GRTP1: variants seen among roughly 807,000 people sequenced by gnomAD.
GRTP1 encodes the protein growth hormone regulated TBC protein 1.
Under a neutral mutation model 38.1 loss-of-function variants are expected in GRTP1, and 56 were observed. The ratio of observed to expected loss-of-function variants is 1.47; its 90% CI spans 1.19 to 1.84. The LOEUF is 1.84. Among genes scored for constraint, GRTP1 ranks in the 40% most tolerant of loss-of-function variants. GRTP1 has a pLI of 0.00. For synonymous variants in GRTP1, 217 were observed against 189.5 expected (o/e 1.14, Z -1.19); for missense variants, 506 against 453.9 (o/e 1.11, Z -1.04).
At chr13:113,352,337 T>TTATATATATATTTATATACATTTTATA (rs2043296267) in intron 3 of GRTP1, among the ~76,000 whole-genome samples, 1 of 51,560 alleles carries the variant, frequency 1.9e-5, no homozygotes, top group Non-Finnish European at 3.8e-5. Context: ...TATATATATT[T>TTATATATATATTTATATACATTTTATA]TATATATATA....
intron 5 of GRTP1, among the ~76,000 whole-genome samples, chr13:113,327,457 CG>C (rs56184243): frequency 0.03 from 4,525 of 152,274 alleles, 152 homozygotes; most frequent in East Asian, 0.14. Context: ...GGATTACAGG[CG>C]TGAGCCACTG....
At chr13:113,355,064 T>C in intron 3 of GRTP1, 1 of 392,902 alleles carries the variant, frequency 2.5e-6, no homozygotes, top group East Asian at 4.3e-5. Context: ...CCGCGAGTCT[T>C]CATGGAGCGC....
At chr13:113,330,288 G>A (rs2042842785) in intron 5 of GRTP1, among the ~76,000 whole-genome samples, 1 of 130,480 alleles carries the variant, frequency 7.7e-6, no homozygotes, top group Non-Finnish European at 1.6e-5. Flanking sequence ...TGTGTGCGTG[G>A]AAACTCAGGT....
At chr13:113,333,275 C>T (rs2042902793) in intron 5 of GRTP1, among the ~76,000 whole-genome samples, 1 of 152,138 alleles carries the variant, frequency 6.6e-6, no homozygotes, top group African/African-American at 2.4e-5. Flanking sequence ...TAACCCGGGG[C>T]AATGCTAAGA....
intron 5 of GRTP1, among the ~76,000 whole-genome samples, chr13:113,334,704 G>T (rs2042930086): frequency 6.6e-6 from 1 of 152,204 alleles, no homozygotes; most frequent in Admixed American, 6.5e-5. Context: ...GGGTTCACCA[G>T]GGAGAGCCGT....
chr13:113,336,298 G>GT (rs67179331), intron 5 of GRTP1, among the ~76,000 whole-genome samples: 12 of 20,996 alleles, frequency 5.7e-4, no homozygotes, highest in African/African-American at 7.2e-4. Context: ...GAATAAGGTA[G>GT]TTTTTTTTTT....
rs376043695 is a variant in GRTP1 at position 113,350,864 on chromosome 13, T to G, written c.450A>C (p.Gly150=). Residue 150 remains glycine (G), a synonymous_variant, in exon 4 of 8, where the codon GGA becomes GGC. Coordinates refer to ENST00000375431, the MANE Select transcript of GRTP1 (RefSeq NM_024719.4). ...CGAGGCTCACCTGGCAGTAGCCCAC[T>G]CCCTGGTTATGGTGCCCATATGCCA... ...VLLAYGHHNQ[G]VGYCQGMNFI... is the part of the protein sequence containing the mutation. 1.3e-6 allele frequency: 2 copies of G among 1,578,294 alleles called. No homozygotes were observed.
chr13:113,347,682 G>A (rs369556769), intron 4 of GRTP1, among the ~76,000 whole-genome samples: 11 of 62,994 alleles, frequency 1.7e-4, no homozygotes, highest in South Asian at 5.6e-4. Flanking sequence ...GTGGCAGAGA[G>A]CAGACCCGGG....
intron 4 of GRTP1, among the ~76,000 whole-genome samples, chr13:113,346,609 T>C (rs1342433326): frequency 1.4e-4 from 1 of 7,170 alleles, no homozygotes; most frequent in African/African-American, 1.6e-4. Context: ...CCTCTGTGCC[T>C]GACAGTGGAC....
intron 4 of GRTP1, among the ~76,000 whole-genome samples, chr13:113,346,172 ACCCGGGAGGACC>A (rs1244901669): frequency 1.4e-5 from 2 of 142,078 alleles, no homozygotes; most frequent in East Asian, 2.2e-4. Flanking sequence ...CTGACAGTGG[ACCCGGGAGGACC>A]TCTGTGGCTG....
At chr13:113,350,263 G>A (rs1438852528) in intron 4 of GRTP1, among the ~76,000 whole-genome samples, 3 of 152,064 alleles carry the variant, frequency 2.0e-5, no homozygotes, top group South Asian at 2.1e-4. Flanking sequence ...CTTAATATGC[G>A]CCCAGCTAGG....
chr13:113,336,172 A>T (rs2042951419), intron 5 of GRTP1, among the ~76,000 whole-genome samples: 1 of 152,168 alleles, frequency 6.6e-6, no homozygotes, highest in African/African-American at 2.4e-5. Context: ...ATCTGCGGTC[A>T]GACACCTGGG....
intron 5 of GRTP1, among the ~76,000 whole-genome samples, chr13:113,333,838 A>AATTTATTTATTTAGT (rs749095615): frequency 1.3e-4 from 3 of 23,546 alleles, no homozygotes; most frequent in African/African-American, 2.0e-4. Context: ...TTATTTATTT[A>AATTTATTTATTTAGT]GTGTGTGTGT....
rs1005429626 is a variant in GRTP1, at chr13:113,348,333, C to T, written c.465+2516G>A. ...TCGAGCGTGGTGGCGCACCTGTGGT[C>T]CCAGCTACTCAGGAGGCCAAGGTGG... is the stretch of plus-strand genomic sequence containing the variant. On this transcript the variant is annotated intron_variant, in intron 4 of 7. Coordinates refer to ENST00000375431, the MANE Select transcript of GRTP1 (RefSeq NM_024719.4). This position sits in a 1 kb window ranked among gnomAD's most constrained non-coding sequence, Gnocchi z 4.8. Among the ~76,000 whole-genome samples the T allele has an allele frequency of 6.6e-5, 10 of 152,208 alleles. No homozygotes were observed. The East Asian group carries it at 1.4e-3, about 21-fold the overall frequency.
At chr13:113,352,351 ATATATATTTTATATATATATATATATT>A (rs1566438008) in intron 3 of GRTP1, among the ~76,000 whole-genome samples, 26 of 99,304 alleles carry the variant, frequency 2.6e-4, no homozygotes, top group East Asian at 7.3e-4. Flanking sequence ...ATATATATTT[ATATATATTTTATATATATATATATATT>A]TATATATATA....
chr13:113,332,005 AT>A (rs1356774553), intron 5 of GRTP1, among the ~76,000 whole-genome samples: 2 of 151,224 alleles, frequency 1.3e-5, no homozygotes, highest in African/African-American at 4.9e-5. Context: ...GCCATGTCTT[AT>A]GCCTGTAATC....
rs530756316 is a variant in GRTP1 at position 113,355,539 on chromosome 13, G to A, written c.182-58C>T. 1.0e-5 allele frequency: 15 copies of A among 1,503,896 alleles called. No homozygotes were observed. In the South Asian group the frequency reaches 1.8e-4, roughly 18 times the overall value. 93.2% of individuals were successfully genotyped at this position (1,503,896 alleles called of 1,614,324 possible). A position where few individuals can be genotyped will look rare whatever the true frequency, so the allele number is the denominator to read the frequency against. On this transcript the variant is annotated intron_variant, in intron 2 of 7. Coordinates refer to ENST00000375431, the MANE Select transcript of GRTP1 (RefSeq NM_024719.4). ...TGGACCAGGGGCCTGCGGGGCCCAC[G>A]CGTTCCTGCCACACTTTCCACTCTC... is the stretch of plus-strand genomic sequence containing the variant.
At chr13:113,344,373 A>C (rs2043067998) in intron 5 of GRTP1, among the ~76,000 whole-genome samples, 1 of 152,172 alleles carries the variant, frequency 6.6e-6, no homozygotes, top group Non-Finnish European at 1.5e-5. Flanking sequence ...GGCCACTCAC[A>C]TGGGTTTCTC....
At chr13:113,344,559 CA>C (rs995229086) in intron 5 of GRTP1, among the ~76,000 whole-genome samples, 2 of 151,834 alleles carry the variant, frequency 1.3e-5, no homozygotes, top group African/African-American at 4.8e-5. Flanking sequence ...ACTAAAAATA[CA>C]AAATTAGCCG....
Sources: gnomAD v4.1 joint callset for allele counts (sites outside exome capture counted in the v4.1 genomes callset) on GRCh38, gnomAD v4.1.1 for gene constraint, Gnocchi (gnomAD v3.1) non-coding constraint, MANE v1.5 for transcripts, NCBI Gene and HGNC (gene_info 2026-07-23, HGNC 2026-07-21) for gene names.